LCN10: variants seen among roughly 807,000 people sequenced by gnomAD.
The protein encoded by LCN10 is lipocalin 10.
Under a neutral mutation model 25.1 loss-of-function variants are expected in LCN10, and 18 were observed. That is an observed-to-expected ratio of 0.72 (90% CI 0.50 to 1.06). LCN10 has a LOEUF of 1.06. LCN10 is among the 50% of genes least tolerant of loss of function. LCN10 has a pLI of 0.00. For missense variants in LCN10, 257 were observed against 258.9 expected (o/e 0.99, Z 0.05); for synonymous variants, 130 against 116.7 (o/e 1.11, Z -0.73).
Position 136,740,747 on chromosome 9 carries a change from C to CACCTGGG in LCN10, c.475+88_475+89insCCCAGGT. ...CCCCCACTCTCCCTGCCCGCCTCAC[C>CACCTGGG]TCCTGCCCGGCCCCCTGTGCCCAGC... On this transcript the variant is annotated intron_variant, in intron 4 of 5. Transcript: ENST00000497771. This position sits in a 1 kb window ranked among gnomAD's most constrained non-coding sequence, Gnocchi z 5.3. 1 of 1,003,578 alleles carries CACCTGGG rather than the reference C, an allele frequency of 1.0e-6. No individual in the cohort carries two copies. Among genetic ancestry groups the CACCTGGG allele is most frequent in the East Asian group, 2.6e-5 (1 of 38,650 alleles). 62.2% of individuals were successfully genotyped at this position (1,003,578 alleles called of 1,614,324 possible). A position where few individuals can be genotyped will look rare whatever the true frequency, so the allele number is the denominator to read the frequency against.
chr9:136,741,115 T>A, intron 3 of LCN10, 137 bp downstream of exon 3: 1 of 994,082 alleles, frequency 1.0e-6, no homozygotes, highest in Non-Finnish European at 1.5e-6. Context: ...GCCCAGCACA[T>A]GACGTGTGGG....
chr9:136,741,660 G>A, intron 2 of LCN10: 1 of 658,178 alleles, frequency 1.5e-6, no homozygotes, highest in South Asian at 2.0e-5. Context: ...ACCTACCCAT[G>A]TGGGGTCCCA....
chr9:136,740,798 C>G lies in LCN10; in HGVS notation c.475+38G>C. 1 of 1,547,026 alleles carries G rather than the reference C, an allele frequency of 6.5e-7. No homozygotes were observed. Among genetic ancestry groups the G allele is most frequent in the Middle Eastern group, 1.7e-4 (1 of 5,876 alleles). On this transcript the variant is annotated intron_variant, in intron 4 of 5. Transcript: ENST00000497771. This position sits in a 1 kb window ranked among gnomAD's most constrained non-coding sequence, Gnocchi z 5.3. Reference sequence around the variant, plus strand: ...GCCCCTCTATGCCTCCCTCTGCACCCCCTCCACCATCCTCTGCCATCCGCT... The same window carrying G: ...GCCCCTCTATGCCTCCCTCTGCACCGCCTCCACCATCCTCTGCCATCCGCT...
intron 1 of LCN10, 48 bp downstream of exon 1, chr9:136,742,739 A>G: frequency 3.1e-6 from 5 of 1,605,098 alleles, no homozygotes; most frequent in Non-Finnish European, 4.3e-6. Context: ...AGCCTGCTCC[A>G]GCTCCAGAGC....
chr9:136,741,086 T>A, intron 3 of LCN10, 143 bp from the exon 4 acceptor site: 1 of 991,830 alleles, frequency 1.0e-6, no homozygotes, highest in South Asian at 1.5e-5. Flanking sequence ...TCCCGGGGCC[T>A]CCCCTCCCGG....
chr9:136,742,290 GC>G, intron 1 of LCN10: 1 of 489,126 alleles, frequency 2.0e-6, no homozygotes, highest in South Asian at 2.7e-5. Context: ...TACCTCAGAG[GC>G]CCCGGCTCCT....
In LCN10 at chr9:136,739,347, C is replaced by G. The variant is rs1846884205; in HGVS notation, c.*178G>C. The G allele has an allele frequency of 1.2e-5, 8 of 654,132 alleles. 1 individual carries two copies. The South Asian group carries it at 1.3e-4, about 10-fold the overall frequency. 40.5% of individuals were successfully genotyped at this position (654,132 alleles called of 1,614,324 possible). ...CACCCGGTCAGCCTGTATCCTCCTT[C>G]CCCCATCTTTCTGTGATCATAAAGG... On this transcript the variant is annotated 3_prime_UTR_variant, in exon 6 of 6. Transcript: ENST00000497771. This position sits in a 1 kb window ranked among gnomAD's most constrained non-coding sequence, Gnocchi z 6.1.
chr9:136,741,752 A>G, intron 2 of LCN10, 129 bp downstream of exon 2: 1 of 1,267,532 alleles, frequency 7.9e-7, no homozygotes, highest in Non-Finnish European at 1.1e-6. Context: ...GTTTAGGGGG[A>G]GGAAGTGGGG....
chr9:136,740,270 C>T lies in LCN10; in HGVS notation c.476-222G>A, dbSNP rs1399516832. On this transcript the variant is annotated intron_variant, in intron 4 of 5. Transcript: ENST00000497771. The surrounding 1 kb of genome is among the most constrained non-coding windows in gnomAD (Gnocchi z 5.3). The stretch of plus-strand genomic sequence containing the variant: ...TCACCACGCTGTCACCTGGGGAACC[C>T]TCTCTGCCTGCAGAGTCCCCTCCAG... 7 of 578,234 alleles carry T rather than the reference C, an allele frequency of 1.2e-5. No homozygotes were observed. Among genetic ancestry groups the T allele is most frequent in the Admixed American group, 2.8e-5 (1 of 35,936 alleles). The allele number at this position is 578,234 out of a possible 1,614,324, so 35.8% of individuals were successfully genotyped here.
In LCN10 at chr9:136,742,300, C is replaced by T. The variant is rs1430448724; in HGVS notation, c.118-280G>A. The T allele has an allele frequency of 8.3e-6, 4 of 482,100 alleles. No homozygotes were observed. In the East Asian group the frequency reaches 1.5e-4, roughly 18 times the overall value. The allele number at this position is 482,100 out of a possible 1,614,324, so 29.9% of individuals were successfully genotyped here. ...CCCCCTACCTCAGAGGCCCCGGCTC[C>T]TTCCCACATGGCCTCCTGGGGGCTG... On this transcript the variant is annotated intron_variant, in intron 1 of 5. Coordinates refer to ENST00000497771, the MANE Select transcript of LCN10 (RefSeq NM_001001712.3).
In LCN10 at chr9:136,741,873, C is replaced by T; in HGVS notation, c.257+8G>A. 6.2e-7 allele frequency: 1 copy of T among 1,600,654 alleles called. No homozygotes were observed. Among genetic ancestry groups the T allele is most frequent in the Non-Finnish European group, 8.5e-7 (1 of 1,174,558 alleles). ...GAGACCCTTGCCTGGGGGGCGCTGCCCACTCACCGTCTGAAGGCGAGGAGC... is the reference window on the plus strand; with the variant it reads ...GAGACCCTTGCCTGGGGGGCGCTGCTCACTCACCGTCTGAAGGCGAGGAGC... On this transcript the variant is annotated splice_region_variant and intron_variant, in intron 2 of 5. Transcript: ENST00000497771.
In LCN10 at chr9:136,740,991, T is replaced by G. The variant is rs903138817; in HGVS notation, c.368-48A>C. 12 of 1,502,806 alleles carry G rather than the reference T, an allele frequency of 8.0e-6. No individual in the cohort carries two copies. In the African/African-American group the frequency reaches 1.7e-4, roughly 21 times the overall value. 93.1% of individuals were successfully genotyped at this position (1,502,806 alleles called of 1,614,324 possible). A position where few individuals can be genotyped will look rare whatever the true frequency, so the allele number is the denominator to read the frequency against. ...CCCGCTGGTTCCCGGATGGCGTGGC[T>G]GTGCCCGCCCACAGCCCTGACCCCT... On this transcript the variant is annotated intron_variant, in intron 3 of 5. Transcript: ENST00000497771. The surrounding 1 kb of genome is among the most constrained non-coding windows in gnomAD (Gnocchi z 5.3).
intron 1 of LCN10, 122 bp downstream of exon 1, chr9:136,742,665 C>A: frequency 8.0e-7 from 1 of 1,247,146 alleles, no homozygotes; most frequent in Non-Finnish European, 1.1e-6. Flanking sequence ...GCCAGGTGGG[C>A]AGCGCCCGTG....
In LCN10 at chr9:136,741,280, C is replaced by A. The variant is rs773017973; in HGVS notation, c.339G>T (p.Ala113=). 6.2e-7 allele frequency: 1 copy of A among 1,613,562 alleles called. No individual in the cohort carries two copies. The highest frequency in any genetic ancestry group is 2.2e-5 in the East Asian group (1 of 44,888). The change falls in exon 3 of 6, where the codon GCG becomes GCT. Residue 113 remains alanine (A), a synonymous_variant. Transcript: ENST00000497771. ...CCTCCTGTCCTTCCCTCGGGCCCGCCGCGTATGCACAGGCGTTCCCAAACA... is the reference window on the plus strand; with the variant it reads ...CCTCCTGTCCTTCCCTCGGGCCCGCAGCGTATGCACAGGCGTTCCCAAACA... ...KPVFGNACAY[A]AGPREGQEGV...
chr9:136,742,274 GC>G (rs1288836337), intron 1 of LCN10: 2 of 503,942 alleles, frequency 4.0e-6, no homozygotes, highest in South Asian at 2.7e-5. Context: ...CAGGTGGGAG[GC>G]CCCCTACCTC....
At position 136,742,889 on chromosome 9, in the gene LCN10, C is replaced by T. The variant is rs1846972829; in HGVS notation, c.15G>A (p.Leu5=). The change falls in exon 1 of 6, where the codon CTG becomes CTA. Residue 5 remains leucine (L), a synonymous_variant. Transcript: ENST00000497771. MRQG[L]LVLALVLVLV... is the part of the protein sequence containing the mutation. The stretch of plus-strand genomic sequence containing the variant: ...GCACCAGCACCAGCGCCAGCACCAG[C>T]AGCCCCTGCCTCATCTTCACCCTCC... The T allele has an allele frequency of 1.9e-6, 3 of 1,613,482 alleles. 1 individual carries two copies. In the African/African-American group the frequency reaches 4.0e-5, roughly 22 times the overall value.
rs1846882641 is a variant in LCN10 at position 136,739,258 on chromosome 9, G to A, written c.*267C>T. 1 of 494,244 alleles carries A rather than the reference G, an allele frequency of 2.0e-6. No individual in the cohort carries two copies. Among genetic ancestry groups the A allele is most frequent in the Admixed American group, 3.3e-5 (1 of 30,168 alleles). The allele number at this position is 494,244 out of a possible 1,614,324, so 30.6% of individuals were successfully genotyped here. A position where few individuals can be genotyped will look rare whatever the true frequency, so the allele number is the denominator to read the frequency against. ...TGTGGTCTGTTTCACAGCAGACAGG[G>A]AATAGCAGCAGCCTGCAGTGTGCTC... is the stretch of plus-strand genomic sequence containing the variant. On this transcript the variant is annotated 3_prime_UTR_variant, in exon 6 of 6. Transcript: ENST00000497771. This position sits in a 1 kb window ranked among gnomAD's most constrained non-coding sequence, Gnocchi z 6.1.
chr9:136,742,458 TC>T (rs2131072097), intron 1 of LCN10: 1 of 435,474 alleles, frequency 2.3e-6, no homozygotes, highest in Non-Finnish European at 4.1e-6. Flanking sequence ...GCCCGGGCCC[TC>T]CCGCTACAGA....
In LCN10 at chr9:136,739,478, T is replaced by C. The variant is rs1846886564; in HGVS notation, c.*47A>G. 1 of 1,570,272 alleles carries C rather than the reference T, an allele frequency of 6.4e-7. No homozygotes were observed. Among genetic ancestry groups the C allele is most frequent in the Admixed American group, 1.9e-5 (1 of 53,234 alleles). ...GACATCTGGAACAACGCTCCTCGGG[T>C]CTGGGAGGACCACGCGTCGAAAGGG... On this transcript the variant is annotated 3_prime_UTR_variant, in exon 6 of 6. Transcript: ENST00000497771. This position sits in a 1 kb window ranked among gnomAD's most constrained non-coding sequence, Gnocchi z 6.1.
Sources: gnomAD v4.1 joint callset for allele counts on GRCh38, gnomAD v4.1.1 for gene constraint, Gnocchi (gnomAD v3.1) non-coding constraint, MANE v1.5 for transcripts, NCBI Gene and HGNC (gene_info 2026-07-23, HGNC 2026-07-21) for gene names.